Variants in PRKG1 observed in about 807,000 individuals in gnomAD.
PRKG1 encodes protein kinase cGMP-dependent 1.
Under a neutral mutation model 88.1 loss-of-function variants are expected in PRKG1, and 35 were observed. That is an observed-to-expected ratio of 0.40 (90% CI 0.30 to 0.53). PRKG1 has a LOEUF of 0.53. Among genes scored for constraint, PRKG1 ranks in the 20% least tolerant of loss-of-function variants. The probability of loss-of-function intolerance (pLI) is 0.59; values close to 1 mark genes in which losing one functional copy is unlikely to be tolerated. For missense variants in PRKG1, 540 were observed against 839.8 expected, an observed-to-expected ratio of 0.64 and a Z score of 4.41; for synonymous variants, 303 against 292.5, an observed-to-expected ratio of 1.04 and a Z score of -0.37.
intron 5 of PRKG1, among the ~76,000 whole-genome samples, chr10:52,041,338 G>C (rs1845751426): frequency 6.6e-6 from 1 of 152,148 alleles, no homozygotes. Context: ...ACCTGATCAT[G>C]GTGAATTATT....
chr10:52,142,495 A>G (rs991071237), intron 8 of PRKG1, among the ~76,000 whole-genome samples: 4 of 152,150 alleles, frequency 2.6e-5, no homozygotes, highest in Non-Finnish European at 5.9e-5. Flanking sequence ...TTTTCATTGA[A>G]TTAAATCTTA....
chr10:51,988,287 A>G (rs1300565249), intron 5 of PRKG1, among the ~76,000 whole-genome samples: 1 of 152,100 alleles, frequency 6.6e-6, no homozygotes, highest in Non-Finnish European at 1.5e-5. Flanking sequence ...ATCCATGTGG[A>G]TATGTTTAAC....
At chr10:51,268,402 T>C (rs533320899) in intron 2 of PRKG1, among the ~76,000 whole-genome samples, 4 of 152,120 alleles carry the variant, frequency 2.6e-5, no homozygotes, top group Admixed American at 6.6e-5. Flanking sequence ...TCCCTACAGC[T>C]GCAACCATAA....
chr10:51,499,528 G>T (rs1887036), intron 3 of PRKG1, among the ~76,000 whole-genome samples: 145,405 of 152,280 alleles, frequency 0.95, 69,450 homozygotes, highest in East Asian at 1. Context: ...ACTTAAACAT[G>T]GGAGCCAAAT....
chr10:52,033,630 T>C (rs1316139042), intron 5 of PRKG1, among the ~76,000 whole-genome samples: 2 of 152,168 alleles, frequency 1.3e-5, no homozygotes, highest in Non-Finnish European at 2.9e-5. Context: ...AGTAGTGACA[T>C]GTATCCTGAA....
At chr10:51,387,830 A>G (rs984368980) in intron 2 of PRKG1, among the ~76,000 whole-genome samples, 1 of 152,078 alleles carries the variant, frequency 6.6e-6, no homozygotes. Context: ...ATTTGGACTT[A>G]TCTAAGTTGC....
intron 2 of PRKG1, among the ~76,000 whole-genome samples, chr10:51,268,246 A>C (rs551213193): frequency 2.6e-4 from 39 of 152,240 alleles, no homozygotes; most frequent in Non-Finnish European, 4.0e-4. Context: ...AAAATTGCTA[A>C]TGAAGTTTGG....
chr10:51,690,886 A>G (rs1197773307), intron 3 of PRKG1, among the ~76,000 whole-genome samples: 1 of 140,780 alleles, frequency 7.1e-6, no homozygotes, highest in Non-Finnish European at 1.5e-5. Flanking sequence ...AGATTGCACC[A>G]CTACACCCCC....
intron 5 of PRKG1, among the ~76,000 whole-genome samples, chr10:52,041,840 TA>T (rs1379190478): frequency 6.6e-6 from 1 of 152,120 alleles, no homozygotes; most frequent in Non-Finnish European, 1.5e-5. Flanking sequence ...AATTAATGAG[TA>T]AATTTACTAA....
At chr10:51,752,256 G>A (rs1217635838) in intron 3 of PRKG1, among the ~76,000 whole-genome samples, 1 of 151,982 alleles carries the variant, frequency 6.6e-6, no homozygotes, top group Non-Finnish European at 1.5e-5. Flanking sequence ...ATCATTATTT[G>A]TTGCTTTTCT....
At chr10:52,118,185 T>G (rs943955034) in intron 7 of PRKG1, among the ~76,000 whole-genome samples, 1 of 152,090 alleles carries the variant, frequency 6.6e-6, no homozygotes, top group African/African-American at 2.4e-5. Flanking sequence ...TTTGCATTTC[T>G]CTTACTGTGT....
chr10:51,397,924 G>A (rs920039885), intron 2 of PRKG1, among the ~76,000 whole-genome samples: 1 of 152,134 alleles, frequency 6.6e-6, no homozygotes, highest in Non-Finnish European at 1.5e-5. Flanking sequence ...ATTTCAATTT[G>A]CAAGTGAGCA....
intron 7 of PRKG1, among the ~76,000 whole-genome samples, chr10:52,093,300 G>A (rs985075869): frequency 3.3e-5 from 5 of 151,758 alleles, no homozygotes; most frequent in Non-Finnish European, 5.9e-5. Context: ...TTTTTAAAAA[G>A]AAGTGGTCAA....
At chr10:52,002,306 G>T (rs1844619785) in intron 5 of PRKG1, among the ~76,000 whole-genome samples, 1 of 151,898 alleles carries the variant, frequency 6.6e-6, no homozygotes, top group African/African-American at 2.4e-5. Context: ...GTCTGCTTTT[G>T]TCATCACTTC....
At chr10:52,253,929 A>AG (rs11446596) in intron 10 of PRKG1, among the ~76,000 whole-genome samples, 135,543 of 151,942 alleles carry the variant, frequency 0.89, 61,066 homozygotes, top group East Asian at 1. Context: ...AACACACTGT[A>AG]GACAATCAGA....
At chr10:51,932,897 AT>A (rs1317981991) in intron 5 of PRKG1, among the ~76,000 whole-genome samples, 1 of 152,140 alleles carries the variant, frequency 6.6e-6, no homozygotes, top group African/African-American at 2.4e-5. Context: ...AGAAAAAAAA[AT>A]GTATCTTATT....
chr10:51,530,334 A>C (rs10997931), intron 3 of PRKG1, among the ~76,000 whole-genome samples: 82,227 of 151,898 alleles, frequency 0.54, 23,972 homozygotes, highest in Non-Finnish European at 0.66. Context: ...TATTAAAGGA[A>C]GAAATATCAC....
chr10:51,292,308 A>T (rs1335312058), intron 2 of PRKG1, among the ~76,000 whole-genome samples: 1 of 152,028 alleles, frequency 6.6e-6, no homozygotes, highest in Non-Finnish European at 1.5e-5. Context: ...GCATAACCTC[A>T]AGTCTTCATT....
chr10:52,241,088 T>G (rs1260148697), intron 9 of PRKG1, among the ~76,000 whole-genome samples: 2 of 152,180 alleles, frequency 1.3e-5, no homozygotes, highest in Admixed American at 1.3e-4. Flanking sequence ...TCTGGTCTGT[T>G]ATAGTTCTAT....
Sources: gnomAD v4.1 joint callset for allele counts (sites outside exome capture counted in the v4.1 genomes callset) on GRCh38, gnomAD v4.1.1 for gene constraint, MANE v1.5 for transcripts, NCBI Gene and HGNC (gene_info 2026-07-23, HGNC 2026-07-21) for gene names.